NLGN1: variants seen among roughly 807,000 people sequenced by gnomAD.
NLGN1 encodes neuroligin 1, also known as neuroligin-1.
In NLGN1, 12 loss-of-function variants were observed where a neutral mutation model predicts 65.5. The ratio of observed to expected loss-of-function variants is 0.18; its 90% confidence interval spans 0.12 to 0.30. The LOEUF (loss-of-function observed/expected upper bound fraction) is 0.30, where lower values mean the gene tolerates loss of function less well. NLGN1 is among the 10% of genes least tolerant of loss of function. The pLI is 1.00. For missense variants in NLGN1, 750 were observed against 1,007.1 expected, an observed-to-expected ratio of 0.74 and a Z score of 3.46; for synonymous variants, 350 against 359.5, an observed-to-expected ratio of 0.97 and a Z score of 0.30.
At chr3:173,912,223 G>C (rs1579140196) in intron 4 of NLGN1, among the ~76,000 whole-genome samples, 1 of 152,050 alleles carries the variant, frequency 6.6e-6, no homozygotes, top group African/African-American at 2.4e-5. Context: ...TATTTTCATT[G>C]ATGAGCAAGT....
At chr3:173,994,018 A>C (rs1229933401) in intron 4 of NLGN1, among the ~76,000 whole-genome samples, 1 of 152,132 alleles carries the variant, frequency 6.6e-6, no homozygotes, top group Non-Finnish European at 1.5e-5. Flanking sequence ...ATTCCAGATC[A>C]ATCAATATAA....
chr3:174,110,218 C>G (rs113998394), intron 4 of NLGN1, among the ~76,000 whole-genome samples: 352 of 152,112 alleles, frequency 2.3e-3, no homozygotes, highest in African/African-American at 7.1e-3. Context: ...ATTCTCTATT[C>G]CATTGAGTAC....
At chr3:173,704,848 A>G (rs1699324443) in intron 3 of NLGN1, among the ~76,000 whole-genome samples, 1 of 152,130 alleles carries the variant, frequency 6.6e-6, no homozygotes, top group East Asian at 1.9e-4. Flanking sequence ...CTATTTGTCT[A>G]CTGTTCTGTT....
intron 4 of NLGN1, among the ~76,000 whole-genome samples, chr3:173,896,551 A>G (rs1477746096): frequency 2.0e-5 from 3 of 152,182 alleles, no homozygotes; most frequent in African/African-American, 7.2e-5. Context: ...CATAGTGTTT[A>G]TGAACTTATT....
At chr3:174,188,130 C>T (rs1731759940) in intron 4 of NLGN1, among the ~76,000 whole-genome samples, 6 of 151,960 alleles carry the variant, frequency 3.9e-5, no homozygotes, top group Admixed American at 6.6e-5. Flanking sequence ...CAAAGGCAAA[C>T]TTAACAACTG....
chr3:173,807,792 T>A (rs1270438300), exon 4 of NLGN1: 1 of 1,613,646 alleles, frequency 6.2e-7, no homozygotes, highest in Admixed American at 1.7e-5. Context: ...GTTATGGCAA[T>A]GTGATCGTCA....
intron 1 of NLGN1, among the ~76,000 whole-genome samples, chr3:173,430,234 C>T (rs73883129): frequency 0.029 from 4,463 of 152,086 alleles, 207 homozygotes; most frequent in African/African-American, 0.1. Context: ...TTTTTCATTT[C>T]GCTGTGATAA....
intron 4 of NLGN1, among the ~76,000 whole-genome samples, chr3:173,888,290 C>T (rs1734722312): frequency 6.6e-6 from 1 of 151,870 alleles, no homozygotes; most frequent in South Asian, 2.1e-4. Context: ...TGCTCAAATC[C>T]GTTATACAAA....
chr3:173,848,617 C>T (rs796419677), intron 4 of NLGN1, among the ~76,000 whole-genome samples: 2 of 152,200 alleles, frequency 1.3e-5, no homozygotes, highest in East Asian at 1.9e-4. Context: ...GCCATTTTCC[C>T]CTGAACTTCT....
At chr3:173,928,388 G>A (rs559107936) in intron 4 of NLGN1, among the ~76,000 whole-genome samples, 3 of 152,086 alleles carry the variant, frequency 2.0e-5, no homozygotes, top group East Asian at 1.9e-4. Flanking sequence ...TGAACTTTTC[G>A]AGTCTTAAGT....
chr3:174,021,335 A>G (rs956075368), intron 4 of NLGN1, among the ~76,000 whole-genome samples: 8 of 152,112 alleles, frequency 5.3e-5, no homozygotes, highest in Non-Finnish European at 1.2e-4. Context: ...AAGTTCTCAT[A>G]AAGCAAACTA....
intron 4 of NLGN1, among the ~76,000 whole-genome samples, chr3:173,984,138 T>C (rs1719385814): frequency 6.6e-6 from 1 of 152,178 alleles, no homozygotes; most frequent in Admixed American, 6.5e-5. Flanking sequence ...AAATCAAATC[T>C]AAGGAAACCT....
At chr3:173,813,622 A>G (rs1297451960) in intron 4 of NLGN1, among the ~76,000 whole-genome samples, 1 of 152,254 alleles carries the variant, frequency 6.6e-6, no homozygotes, top group Non-Finnish European at 1.5e-5. Flanking sequence ...AATGCACACA[A>G]ATAAATAGAT....
At chr3:173,604,504 C>T (rs938223509) in exon 3 of NLGN1, 65 of 1,331,152 alleles carry the variant, frequency 4.9e-5, no homozygotes, top group Middle Eastern at 3.8e-4. Context: ...TGTAAGAAAT[C>T]GGAGGTATAT....
intron 4 of NLGN1, among the ~76,000 whole-genome samples, chr3:174,042,571 G>T (rs1196580746): frequency 6.6e-6 from 1 of 152,178 alleles, no homozygotes; most frequent in Non-Finnish European, 1.5e-5. Flanking sequence ...ACTTATGTTT[G>T]ATTGATAAGG....
intron 2 of NLGN1, among the ~76,000 whole-genome samples, chr3:173,476,366 T>C (rs1332749018): frequency 1.3e-5 from 2 of 152,242 alleles, no homozygotes; most frequent in African/African-American, 4.8e-5. Flanking sequence ...TTGTAACTTT[T>C]AGGAGTTAAA....
intron 2 of NLGN1, among the ~76,000 whole-genome samples, chr3:173,568,399 AATT>A (rs1403103018): frequency 1.3e-5 from 2 of 151,708 alleles, no homozygotes; most frequent in Non-Finnish European, 2.9e-5. Context: ...AGGCCTGGCT[AATT>A]TTTGTATTTT....
At chr3:173,882,034 G>T (rs972558547) in intron 4 of NLGN1, among the ~76,000 whole-genome samples, 1 of 152,152 alleles carries the variant, frequency 6.6e-6, no homozygotes, top group African/African-American at 2.4e-5. Flanking sequence ...AATGAGTATT[G>T]TGTTAGCAGG....
rs373287958 is a variant in NLGN1 at position 173,613,484 on chromosome 3, G to C, written c.493+8393G>C. On this transcript the variant is annotated intron_variant, in intron 3 of 6. Transcript: ENST00000457714. ...AGTCCATATGCTTTTATAAATCCAA[G>C]TGTTTGACTTTGTGTCAACAAAATG... Among the ~76,000 whole-genome samples the C allele has an allele frequency of 1.3e-3, 196 of 152,142 alleles. 2 individuals carry two copies. The highest frequency in any genetic ancestry group is 4.5e-3 in the African/African-American group (186 of 41,530).
Sources: allele counts gnomAD v4.1 joint callset (sites outside exome capture counted in the v4.1 genomes callset), GRCh38; gene constraint gnomAD v4.1.1; transcripts MANE v1.5; gene names NCBI Gene and HGNC (gene_info 2026-07-23, HGNC 2026-07-21).